The following KCNH5 variants were observed in gnomAD, a reference collection of about 807,000 sequenced individuals.
The protein encoded by KCNH5 is voltage-gated delayed rectifier potassium channel KCNH5.
KCNH5 carries 46 observed loss-of-function variants against 96.1 expected under a neutral mutation model. The observed-to-expected ratio is 0.48, with a 90% CI of 0.38 to 0.61. KCNH5 has a LOEUF of 0.61. KCNH5 is among the 20% of genes least tolerant of loss of function. KCNH5 has a pLI of 0.00. For synonymous variants in KCNH5, 439 were observed against 449.8 expected, an observed-to-expected ratio of 0.98 and a Z score of 0.30; for missense variants, 907 against 1,225.8, an observed-to-expected ratio of 0.74 and a Z score of 3.88.
chr14:63,044,353 A>G (rs557244664), intron 1 of KCNH5, among the ~76,000 whole-genome samples: 1 of 152,364 alleles, frequency 6.6e-6, no homozygotes, highest in South Asian at 2.1e-4. Context: ...TTAAAGACAC[A>G]CTAAGGCAAG....
At chr14:62,934,655 G>T (rs75779798) in intron 7 of KCNH5, among the ~76,000 whole-genome samples, 2 of 152,242 alleles carry the variant, frequency 1.3e-5, no homozygotes, top group Admixed American at 1.3e-4. Context: ...TTTTCAAGAG[G>T]AGTGTGGTAA....
At position 62,987,142 on chromosome 14, in the gene KCNH5, C is replaced by A; in HGVS notation, c.479G>T (p.Arg160Leu). ...ARLTRALTNS[R>L]SVLQQLTPMN... ...TGGCGTGAGCTGCTGCAAAACACTTCGGCTATTTGTCAAAGCCCGTGTCAA... is the reference window on the plus strand; with the variant it reads ...TGGCGTGAGCTGCTGCAAAACACTTAGGCTATTTGTCAAAGCCCGTGTCAA... The change falls in exon 5 of 11, where the codon CGA becomes CTA. Residue 160 changes from arginine to leucine, a missense_variant. By Grantham distance (102) the Arg-to-Leu change is moderately radical (BLOSUM62 -2). This residue lies in a region of KCNH5 where 370 missense variants were observed against 561.3 expected (regional missense o/e 0.66). Coordinates refer to ENST00000322893, the MANE Select transcript of KCNH5 (RefSeq NM_139318.5). The A allele has an allele frequency of 6.2e-7, 1 of 1,613,546 alleles. No individual in the cohort carries two copies. The highest frequency in any genetic ancestry group is 8.5e-7 in the Non-Finnish European group (1 of 1,179,622).
chr14:62,970,813 A>G (rs1890392807), intron 6 of KCNH5, among the ~76,000 whole-genome samples: 1 of 151,980 alleles, frequency 6.6e-6, no homozygotes, highest in Non-Finnish European at 1.5e-5. Flanking sequence ...ATGATAAAAT[A>G]CTCTCAACAA....
chr14:63,004,673 T>C (rs1237031792), intron 3 of KCNH5, among the ~76,000 whole-genome samples: 2 of 152,208 alleles, frequency 1.3e-5, no homozygotes, highest in African/African-American at 4.8e-5. Flanking sequence ...AGCATGATCA[T>C]AGCTCACTGC....
intron 7 of KCNH5, among the ~76,000 whole-genome samples, chr14:62,912,590 A>G (rs1246475240): frequency 6.6e-6 from 1 of 152,042 alleles, no homozygotes; most frequent in Non-Finnish European, 1.5e-5. Flanking sequence ...TATTTTTAGT[A>G]GAGACGGGGT....
chr14:62,945,059 C>A (rs1286072101), intron 7 of KCNH5, among the ~76,000 whole-genome samples: 3 of 152,120 alleles, frequency 2.0e-5, no homozygotes, highest in African/African-American at 7.2e-5. Context: ...TTAGATCTAG[C>A]AAGTATAATT....
At chr14:62,896,168 C>T (rs1292888812) in intron 7 of KCNH5, among the ~76,000 whole-genome samples, 1 of 152,176 alleles carries the variant, frequency 6.6e-6, no homozygotes, top group East Asian at 1.9e-4. Context: ...AGGAAAAGAG[C>T]AGCAGCAATA....
At chr14:62,818,794 T>A (rs1887052726) in intron 8 of KCNH5, among the ~76,000 whole-genome samples, 1 of 152,100 alleles carries the variant, frequency 6.6e-6, no homozygotes, top group African/African-American at 2.4e-5. Flanking sequence ...AATGAACATA[T>A]AACCCCATTA....
At chr14:63,023,155 A>G (rs1343999175) in intron 1 of KCNH5, among the ~76,000 whole-genome samples, 1 of 151,896 alleles carries the variant, frequency 6.6e-6, no homozygotes, top group East Asian at 1.9e-4. Context: ...GTGAGCCAAG[A>G]TCATGCCACT....
chr14:62,993,116 T>C (rs143422162), intron 4 of KCNH5, among the ~76,000 whole-genome samples: 68 of 152,176 alleles, frequency 4.5e-4, no homozygotes, highest in Non-Finnish European at 8.2e-4. Context: ...CAAAGATCAG[T>C]TGTCTGTAAA....
chr14:63,040,713 T>C (rs1054949814), intron 1 of KCNH5, among the ~76,000 whole-genome samples: 43 of 152,280 alleles, frequency 2.8e-4, no homozygotes, highest in Middle Eastern at 3.4e-3. Flanking sequence ...TACAGATCAC[T>C]AGTTCTGCTT....
At chr14:63,036,343 A>T (rs970419357) in intron 1 of KCNH5, among the ~76,000 whole-genome samples, 1 of 152,204 alleles carries the variant, frequency 6.6e-6, no homozygotes, top group Non-Finnish European at 1.5e-5. Context: ...CTTACTCTGC[A>T]CACAGCACTT....
At chr14:62,998,081 T>C (rs1023044803) in intron 4 of KCNH5, among the ~76,000 whole-genome samples, 1 of 152,090 alleles carries the variant, frequency 6.6e-6, no homozygotes, top group Non-Finnish European at 1.5e-5. Flanking sequence ...AAACGTATGG[T>C]AGCGCTTACC....
At chr14:63,018,917 T>C (rs1253292611) in intron 1 of KCNH5, among the ~76,000 whole-genome samples, 1 of 151,936 alleles carries the variant, frequency 6.6e-6, no homozygotes, top group African/African-American at 2.4e-5. Flanking sequence ...ACAGAAATAA[T>C]GCAATCTCTG....
chr14:62,986,732 CT>C (rs1485792942), intron 5 of KCNH5, among the ~76,000 whole-genome samples: 1 of 152,146 alleles, frequency 6.6e-6, no homozygotes, highest in African/African-American at 2.4e-5. Context: ...TCTTATTTAA[CT>C]TTACATCCTT....
intron 9 of KCNH5, among the ~76,000 whole-genome samples, chr14:62,787,838 C>T (rs1886349674): frequency 6.6e-6 from 1 of 152,180 alleles, no homozygotes; most frequent in Non-Finnish European, 1.5e-5. Context: ...TTTAAGCCTA[C>T]TGTTGAGACC....
intron 7 of KCNH5, among the ~76,000 whole-genome samples, chr14:62,894,582 C>T (rs535036155): frequency 6.6e-6 from 1 of 152,326 alleles, no homozygotes; most frequent in South Asian, 2.1e-4. Flanking sequence ...CATATTCAAA[C>T]AACACCCCCT....
In KCNH5 at chr14:62,982,688, T is replaced by G. The variant is rs138757876; in HGVS notation, c.550-1424A>C. Among the ~76,000 whole-genome samples, 650 of 152,344 alleles carry G rather than the reference T, an allele frequency of 4.3e-3. 5 individuals carry two copies. Among genetic ancestry groups the G allele is most frequent in the African/African-American group, 0.015 (616 of 41,578 alleles). ...GGAGAGTATCCTAAAGTTCCTCTCA[T>G]ATACAGAACTTACATATCTGAAAAC... On this transcript the variant is annotated intron_variant, in intron 5 of 10. Coordinates refer to ENST00000322893, the MANE Select transcript of KCNH5 (RefSeq NM_139318.5).
rs17223692 is a variant in KCNH5, at chr14:62,903,401, T to C, written c.1369+46732A>G. 6.1e-3 allele frequency among the ~76,000 whole-genome samples: 936 copies of C among 152,284 alleles called. 48 individuals carry two copies. In the East Asian group the frequency reaches 0.11, roughly 18 times the overall value. ...AAGAAAGGGTAGGCACAAGACCCAATACAGCGACTGTCCATTTTGAAGCAA... is the reference window on the plus strand; with the variant it reads ...AAGAAAGGGTAGGCACAAGACCCAACACAGCGACTGTCCATTTTGAAGCAA... On this transcript the variant is annotated intron_variant, in intron 7 of 10. Coordinates refer to ENST00000322893, the MANE Select transcript of KCNH5 (RefSeq NM_139318.5).
Sources: allele counts gnomAD v4.1 joint callset (sites outside exome capture counted in the v4.1 genomes callset), GRCh38; gene constraint gnomAD v4.1.1; regional missense constraint gnomAD v4.1.1; transcripts MANE v1.5; gene names NCBI Gene and HGNC (gene_info 2026-07-23, HGNC 2026-07-21).